The following USP18 variants were observed in gnomAD, a reference collection of about 807,000 sequenced individuals.
USP18 encodes ubl carboxyl-terminal hydrolase 18.
Under a neutral mutation model 48.7 loss-of-function variants are expected in USP18, and 11 were observed. The observed-to-expected ratio is 0.23, with a 90% CI of 0.14 to 0.37. The LOEUF (loss-of-function observed/expected upper bound fraction) is 0.37, where lower values mean the gene tolerates loss of function less well. Among genes scored for constraint, USP18 ranks in the 10% least tolerant of loss-of-function variants. The probability of loss-of-function intolerance (pLI) is 1.00; values close to 1 mark genes in which losing one functional copy is unlikely to be tolerated. For missense variants in USP18, 285 were observed against 436.4 expected, an observed-to-expected ratio of 0.65 and a Z score of 3.09; for synonymous variants, 114 against 163.2, an observed-to-expected ratio of 0.70 and a Z score of 2.30.
In USP18 at chr22:18,157,714, T is replaced by A. The variant is rs775263062; in HGVS notation, c.51T>A (p.Ala17=). Residue 17 remains alanine, a synonymous_variant, in exon 2 of 11, where the codon GCT becomes GCA. Coordinates refer to ENST00000215794, the MANE Select transcript of USP18 (RefSeq NM_017414.4). The part of the protein sequence containing the change: ...LLRQICQSIL[A]ESSQSPADLE... ...GGCAAATCTGTCAGTCCATCCTGGC[T>A]GAGTCCTCGCAGTCCCCGGCAGATC... is the stretch of plus-strand genomic sequence containing the variant. The A allele has an allele frequency of 7.4e-6, 12 of 1,614,096 alleles. No homozygotes were observed. The highest frequency in any genetic ancestry group is 2.2e-5 in the East Asian group (1 of 44,862).
At chr22:18,168,602 G>A (rs1226552941) in intron 6 of USP18, among the ~76,000 whole-genome samples, 2 of 152,070 alleles carry the variant, frequency 1.3e-5, no homozygotes, top group African/African-American at 2.4e-5. Flanking sequence ...CACCATGTTG[G>A]CCAGGCTGGT....
chr22:18,156,801 A>G (rs1160723990), intron 1 of USP18, among the ~76,000 whole-genome samples: 1 of 152,236 alleles, frequency 6.6e-6, no homozygotes, highest in Non-Finnish European at 1.5e-5. Context: ...AAGAACTGTA[A>G]CACTCACTGC....
intron 4 of USP18, among the ~76,000 whole-genome samples, chr22:18,162,986 T>A (rs531233352): frequency 6.6e-6 from 1 of 151,560 alleles, no homozygotes; most frequent in African/African-American, 2.4e-5. Context: ...TCATTTTTGC[T>A]CCTCTGAATG....
intron 10 of USP18, 36 bp downstream of exon 10, chr22:18,173,878 G>A: frequency 1.3e-6 from 2 of 1,538,670 alleles, no homozygotes; most frequent in East Asian, 2.3e-5. Flanking sequence ...AGTCTGATGA[G>A]CTCACATAGG....
intron 4 of USP18, among the ~76,000 whole-genome samples, chr22:18,162,200 C>T (rs948889074): frequency 1.3e-5 from 2 of 152,056 alleles, no homozygotes; most frequent in African/African-American, 4.8e-5. Flanking sequence ...AAGCTTATTC[C>T]ACCACAGTCA....
intron 10 of USP18, among the ~76,000 whole-genome samples, chr22:18,176,143 G>A (rs1196256309): frequency 8.8e-5 from 8 of 90,542 alleles, no homozygotes; most frequent in African/African-American, 2.1e-4. Flanking sequence ...TTAGCCGGGC[G>A]TGGTGGCGGG....
chr22:18,172,109 C>CA (rs1929643504), intron 8 of USP18, among the ~76,000 whole-genome samples: 2 of 152,058 alleles, frequency 1.3e-5, no homozygotes, highest in South Asian at 4.1e-4. Context: ...GCAACAACAA[C>CA]AAAAAAGACT....
chr22:18,175,610 T>C (rs1421680126), intron 10 of USP18, among the ~76,000 whole-genome samples: 1 of 149,418 alleles, frequency 6.7e-6, no homozygotes, highest in East Asian at 1.9e-4. Flanking sequence ...CTCTGCCCTG[T>C]AGAGCAAAAG....
At position 18,157,568 on chromosome 22, in the gene USP18, G is replaced by C; in HGVS notation, c.-96G>C. On this transcript the variant is annotated 5_prime_UTR_variant, in exon 2 of 11. Transcript: ENST00000215794. ...ATTGTATTTTCACAGAGATTCCATC[G>C]TGCCTGGCTCACATAAGCGCTTCCT... 5 of 1,504,684 alleles carry C rather than the reference G, an allele frequency of 3.3e-6. No individual in the cohort carries two copies. The highest frequency in any genetic ancestry group is 4.5e-6 in the Non-Finnish European group (5 of 1,101,950). The allele number at this position is 1,504,684 out of a possible 1,614,324, so 93.2% of individuals were successfully genotyped here.
At chr22:18,160,404 CA>C in intron 3 of USP18, 136 bp downstream of exon 3, 1 of 980,224 alleles carries the variant, frequency 1.0e-6, no homozygotes, top group East Asian at 2.7e-5. Flanking sequence ...CTCCCGGGTT[CA>C]AGCGATTCTC....
intron 2 of USP18, among the ~76,000 whole-genome samples, chr22:18,159,672 AT>A (rs34386839): frequency 0.17 from 13,151 of 76,890 alleles, 816 homozygotes; most frequent in Non-Finnish European, 0.19. Flanking sequence ...TGATTTTTGG[AT>A]TTTTTTTTTT....
At chr22:18,161,151 C>A (rs1453810628) in intron 3 of USP18, among the ~76,000 whole-genome samples, 3 of 151,724 alleles carry the variant, frequency 2.0e-5, no homozygotes, top group African/African-American at 4.9e-5. Flanking sequence ...GGTTAAAAGA[C>A]AGAGTTGGGA....
At chr22:18,150,567 CAA>C (rs1367110851) in intron 1 of USP18, among the ~76,000 whole-genome samples, 2 of 152,212 alleles carry the variant, frequency 1.3e-5, no homozygotes, top group East Asian at 3.8e-4. Context: ...TTTCTATGTA[CAA>C]GTCTTTAAAA....
At chr22:18,158,730 G>A (rs576657615) in intron 2 of USP18, among the ~76,000 whole-genome samples, 31 of 152,244 alleles carry the variant, frequency 2.0e-4, no homozygotes, top group Admixed American at 3.9e-4. Flanking sequence ...ACTGGATTAG[G>A]TGAATCTTCC....
chr22:18,156,987 T>C (rs556085986), intron 1 of USP18, among the ~76,000 whole-genome samples: 1 of 152,330 alleles, frequency 6.6e-6, no homozygotes, highest in Admixed American at 6.5e-5. Flanking sequence ...CTATGGCCAC[T>C]GAGGCTGAGA....
Position 18,157,680 on chromosome 22 carries a change from G to A in USP18, c.17G>A (p.Gly6Glu), listed in dbSNP as rs746925058. 6.2e-7 allele frequency: 1 copy of A among 1,614,092 alleles called. No homozygotes were observed. The highest frequency in any genetic ancestry group is 1.3e-5 in the African/African-American group (1 of 75,032). The change falls in exon 2 of 11, where the codon GGG becomes GAG. Residue 6 changes from glycine (G) to glutamate (E), a missense_variant. Gly to Glu is a moderately conservative substitution (Grantham distance 98). Coordinates refer to ENST00000215794, the MANE Select transcript of USP18 (RefSeq NM_017414.4). MSKAFGLLRQICQSIL... is the reference protein window; with the variant it reads MSKAFELLRQICQSIL... ...TGATCACGAATGAGCAAGGCGTTTG[G>A]GCTCCTGAGGCAAATCTGTCAGTCC...
chr22:18,152,209 C>A (rs1423596721), intron 1 of USP18, among the ~76,000 whole-genome samples: 6 of 152,160 alleles, frequency 3.9e-5, no homozygotes, highest in Non-Finnish European at 8.8e-5. Flanking sequence ...AATTTTGTTC[C>A]TTTTAGGGCA....
chr22:18,174,537 A>G (rs1331388812), intron 10 of USP18, among the ~76,000 whole-genome samples: 1 of 151,868 alleles, frequency 6.6e-6, no homozygotes, highest in Non-Finnish European at 1.5e-5. Context: ...GCCTTCTTAT[A>G]TGCTTTTATT....
chr22:18,155,627 C>T (rs973230593), intron 1 of USP18, among the ~76,000 whole-genome samples: 4 of 152,144 alleles, frequency 2.6e-5, no homozygotes, highest in Non-Finnish European at 5.9e-5. Context: ...AGCGGCCAGC[C>T]GGCCGGCCTG....
Sources: allele counts gnomAD v4.1 joint callset (sites outside exome capture counted in the v4.1 genomes callset), GRCh38; gene constraint gnomAD v4.1.1; transcripts MANE v1.5; gene names NCBI Gene and HGNC (gene_info 2026-07-23, HGNC 2026-07-21).